Variants in RELN observed in about 807,000 individuals in gnomAD.
RELN encodes reelin.
In RELN, 108 loss-of-function variants were observed where a neutral mutation model predicts 427.6. The ratio of observed to expected loss-of-function variants is 0.25; its 90% CI spans 0.22 to 0.30. RELN has a LOEUF of 0.30. RELN is among the 10% of genes least tolerant of loss of function. RELN has a pLI of 1.00. For missense variants in RELN, 3,715 were observed against 4,302.8 expected (o/e 0.86, Z 3.82); for synonymous variants, 1,524 against 1,513.4 (o/e 1.01, Z -0.16).
intron 16 of RELN, among the ~76,000 whole-genome samples, chr7:103,643,545 T>C (rs1832736126): frequency 6.6e-6 from 1 of 151,968 alleles, no homozygotes; most frequent in Non-Finnish European, 1.5e-5. Flanking sequence ...TGCTATGTTG[T>C]CCTGGAGTAC....
intron 6 of RELN, among the ~76,000 whole-genome samples, chr7:103,737,435 T>C (rs1374634172): frequency 6.6e-6 from 1 of 152,216 alleles, no homozygotes; most frequent in Non-Finnish European, 1.5e-5. Context: ...ACTTGGCTAC[T>C]AAATGGAGGA....
chr7:103,692,497 G>C (rs1833892905), intron 10 of RELN, among the ~76,000 whole-genome samples: 1 of 152,050 alleles, frequency 6.6e-6, no homozygotes, highest in South Asian at 2.1e-4. Context: ...GTTGGGATTG[G>C]GGGTGGTGAG....
chr7:103,496,043 T>C (rs1374964341), intron 56 of RELN, 145 bp from the exon 57 acceptor site: 6 of 824,960 alleles, frequency 7.3e-6, no homozygotes, highest in Middle Eastern at 7.0e-4. Context: ...GCTTACACTT[T>C]AGGATTGATT....
rs753044533 is a variant in RELN at position 103,704,667 on chromosome 7, C to G, written c.806-3661G>C. Among the ~76,000 whole-genome samples, 3 of 151,856 alleles carry G rather than the reference C, an allele frequency of 2.0e-5. No homozygotes were observed. The East Asian group carries it at 5.8e-4, about 29-fold the overall frequency. ...CTTACAAACATCTACCAATGCACAA[C>G]TCATCTCCTATCTAAAAAAAAAAAA... is the stretch of plus-strand genomic sequence containing the variant. On this transcript the variant is annotated intron_variant, in intron 8 of 64. Transcript: ENST00000428762.
intron 2 of RELN, among the ~76,000 whole-genome samples, chr7:103,850,742 C>T (rs1793801599): frequency 6.6e-6 from 1 of 152,156 alleles, no homozygotes; most frequent in African/African-American, 2.4e-5. Context: ...AAATGCTCAA[C>T]ATCACTAATG....
At chr7:103,925,576 A>G (rs538676283) in intron 1 of RELN, among the ~76,000 whole-genome samples, 5 of 152,168 alleles carry the variant, frequency 3.3e-5, no homozygotes, top group Non-Finnish European at 5.9e-5. Context: ...AAATTATTAA[A>G]GTGATGTGAA....
intron 11 of RELN, among the ~76,000 whole-genome samples, chr7:103,663,709 C>T (rs1237822399): frequency 6.6e-6 from 1 of 152,146 alleles, no homozygotes; most frequent in Admixed American, 6.5e-5. Context: ...ATGGTTCAGC[C>T]TCCTCTTCCC....
intron 52 of RELN, 71 bp downstream of exon 52, chr7:103,502,945 T>G (rs1339488042): frequency 1.6e-6 from 2 of 1,266,088 alleles, no homozygotes; most frequent in African/African-American, 1.5e-5. Context: ...ATTTCAGGCA[T>G]GACAACAGTG....
intron 24 of RELN, among the ~76,000 whole-genome samples, chr7:103,600,933 G>T (rs969701468): frequency 1.3e-5 from 2 of 151,834 alleles, no homozygotes; most frequent in African/African-American, 2.4e-5. Context: ...TACTTGCATC[G>T]ACTTACTTAT....
chr7:103,491,977 A>C lies in RELN; in HGVS notation c.9419T>G (p.Met3140Arg), dbSNP rs368644580. Residue 3140 changes from methionine to arginine, a missense_variant, in exon 58 of 65, where the codon ATG (methionine) becomes AGG (arginine). Physicochemically the swap from Met to Arg is moderately conservative, Grantham distance 91 (BLOSUM62 -1). This residue lies in a region of RELN where 1,310 missense variants were observed against 1,643.0 expected (regional missense o/e 0.80). Coordinates refer to ENST00000428762, the MANE Select transcript of RELN (RefSeq NM_005045.4). ...ATSCGDLHSV[M>R]LEYTKDARSD... ...CCTTGCATCCTTAGTGTATTCCAGC[A>C]TTACGGAATGAAGGTCACCACAAGA... 2.2e-5 allele frequency: 35 copies of C among 1,613,488 alleles called. No homozygotes were observed. The highest frequency in any genetic ancestry group is 2.7e-5 in the Non-Finnish European group (32 of 1,179,818).
At chr7:103,862,981 C>A (rs1794106953) in intron 2 of RELN, among the ~76,000 whole-genome samples, 1 of 152,106 alleles carries the variant, frequency 6.6e-6, no homozygotes, top group African/African-American at 2.4e-5. Context: ...TACTGGGGGT[C>A]AGAATGTCCA....
intron 3 of RELN, among the ~76,000 whole-genome samples, chr7:103,810,554 G>A (rs1792714798): frequency 6.6e-6 from 1 of 152,164 alleles, no homozygotes. Flanking sequence ...GCCGATCACA[G>A]GACTACACAG....
At chr7:103,534,239 T>C (rs73714436) in intron 46 of RELN, among the ~76,000 whole-genome samples, 1,592 of 152,346 alleles carry the variant, frequency 0.01, 26 homozygotes, top group African/African-American at 0.036. Context: ...ACTGGATTGG[T>C]TGCTTTGCTT....
intron 20 of RELN, among the ~76,000 whole-genome samples, chr7:103,623,727 G>A (rs1832268131): frequency 1.3e-5 from 2 of 152,132 alleles, no homozygotes; most frequent in South Asian, 2.1e-4. Context: ...AGAAGGAGAG[G>A]TAGATCTCAT....
intron 3 of RELN, among the ~76,000 whole-genome samples, chr7:103,805,359 G>A (rs892638213): frequency 2.0e-5 from 3 of 152,124 alleles, no homozygotes; most frequent in Non-Finnish European, 4.4e-5. Flanking sequence ...TTAGATATAC[G>A]AACGTGCATG....
chr7:103,621,279 C>T (rs933019741), intron 20 of RELN, among the ~76,000 whole-genome samples: 2 of 152,016 alleles, frequency 1.3e-5, no homozygotes, highest in African/African-American at 4.8e-5. Context: ...AGGAATCTGA[C>T]CAAAAAATTA....
intron 7 of RELN, among the ~76,000 whole-genome samples, chr7:103,725,824 C>T (rs1313557111): frequency 6.6e-6 from 1 of 152,102 alleles, no homozygotes; most frequent in Non-Finnish European, 1.5e-5. Context: ...AAAACTTGTG[C>T]TATGTCCAGG....
intron 7 of RELN, among the ~76,000 whole-genome samples, chr7:103,726,203 T>C (rs1430902078): frequency 6.6e-6 from 1 of 152,176 alleles, no homozygotes; most frequent in Non-Finnish European, 1.5e-5. Context: ...CTGTCTTCTA[T>C]AAACACAACT....
rs118066996 is a variant in RELN at position 103,694,971 on chromosome 7, G to A, written c.1143+2882C>T. 3.4e-4 allele frequency among the ~76,000 whole-genome samples: 51 copies of A among 151,936 alleles called. 1 individual carries two copies. In the East Asian group the frequency reaches 8.2e-3, roughly 24 times the overall value. ...TGATCCTCTGTGCCTGGCCATCTTG[G>A]AAACTTTTAATGAGTAGGTTGAACA... On this transcript the variant is annotated intron_variant, in intron 10 of 64. Coordinates refer to ENST00000428762, the MANE Select transcript of RELN (RefSeq NM_005045.4).
Sources: allele counts gnomAD v4.1 joint callset (sites outside exome capture counted in the v4.1 genomes callset), GRCh38; gene constraint gnomAD v4.1.1; regional missense constraint gnomAD v4.1.1; transcripts MANE v1.5; gene names NCBI Gene and HGNC (gene_info 2026-07-23, HGNC 2026-07-21).